VAV3: variants seen among roughly 807,000 people sequenced by gnomAD.
The protein encoded by VAV3 is vav guanine nucleotide exchange factor 3.
Under a neutral mutation model 131.2 loss-of-function variants are expected in VAV3, and 94 were observed. The ratio of observed to expected loss-of-function variants is 0.72; its 90% CI spans 0.61 to 0.85. VAV3 has a LOEUF of 0.85. Ranked by LOEUF, VAV3 falls within the 40% of genes least tolerant of loss-of-function variation. The probability of loss-of-function intolerance (pLI) is 0.00; values close to 1 mark genes in which losing one functional copy is unlikely to be tolerated. For synonymous variants in VAV3, 349 were observed against 342.0 expected (o/e 1.02, Z -0.22); for missense variants, 939 against 1,002.7 (o/e 0.94, Z 0.86).
At chr1:107,861,540 G>C (rs756077615) in intron 2 of VAV3, among the ~76,000 whole-genome samples, 1 of 151,490 alleles carries the variant, frequency 6.6e-6, no homozygotes, top group African/African-American at 2.4e-5. Flanking sequence ...ATTCTAACAT[G>C]AATCTAGCCT....
At chr1:107,879,675 T>A (rs1240157208) in intron 1 of VAV3, among the ~76,000 whole-genome samples, 1 of 150,692 alleles carries the variant, frequency 6.6e-6, no homozygotes, top group Non-Finnish European at 1.5e-5. Context: ...GAAGGGCAAA[T>A]CCAGCTCACT....
intron 2 of VAV3, among the ~76,000 whole-genome samples, chr1:107,833,897 C>T (rs185244815): frequency 1.9e-4 from 29 of 152,264 alleles, no homozygotes; most frequent in African/African-American, 6.0e-4. Flanking sequence ...AAGCACTAGC[C>T]ATGGCAATGC....
At chr1:107,611,774 G>A (rs1652753925) in intron 21 of VAV3, among the ~76,000 whole-genome samples, 1 of 152,084 alleles carries the variant, frequency 6.6e-6, no homozygotes, top group South Asian at 2.1e-4. Context: ...TTCCACCCTG[G>A]TGTCCCACTA....
At chr1:107,798,055 T>C (rs1316727691) in intron 2 of VAV3, among the ~76,000 whole-genome samples, 1 of 152,164 alleles carries the variant, frequency 6.6e-6, no homozygotes, top group Non-Finnish European at 1.5e-5. Context: ...CCTTCTGCTT[T>C]CCCCTAAATA....
At position 107,888,827 on chromosome 1, in the gene VAV3, C is replaced by A. The variant is rs532089923; in HGVS notation, c.205-13810G>T. Among the ~76,000 whole-genome samples, 541 of 152,186 alleles carry A rather than the reference C, an allele frequency of 3.6e-3. 2 individuals are homozygous for A. Among genetic ancestry groups the A allele is most frequent in the Non-Finnish European group, 5.4e-3 (368 of 68,014 alleles). ...GTCACTGTTTCTCTGTACTAAATTA[C>A]ATTCTATTTTCTGTCTATATTTCTA... On this transcript the variant is annotated intron_variant, in intron 1 of 26. Coordinates refer to ENST00000370056, the MANE Select transcript of VAV3 (RefSeq NM_006113.5).
At chr1:107,945,552 G>C (rs192016364) in intron 1 of VAV3, among the ~76,000 whole-genome samples, 2 of 152,140 alleles carry the variant, frequency 1.3e-5, no homozygotes, top group East Asian at 3.9e-4. Context: ...GTCCAGGCGC[G>C]GTGGCTCATG....
chr1:107,815,020 G>A (rs1468336087), intron 2 of VAV3, among the ~76,000 whole-genome samples: 2 of 152,108 alleles, frequency 1.3e-5, no homozygotes, highest in Non-Finnish European at 2.9e-5. Flanking sequence ...CCTAGCCCAA[G>A]GGAATGGAAA....
At chr1:107,845,324 A>C (rs1203311213) in intron 2 of VAV3, among the ~76,000 whole-genome samples, 1 of 152,224 alleles carries the variant, frequency 6.6e-6, no homozygotes, top group East Asian at 1.9e-4. Flanking sequence ...AAGGTAGATA[A>C]ATCCACAAAG....
chr1:107,906,462 A>C (rs773550634), intron 1 of VAV3, among the ~76,000 whole-genome samples: 8 of 152,094 alleles, frequency 5.3e-5, no homozygotes, highest in Non-Finnish European at 1.0e-4. Context: ...CAGGAGATCG[A>C]GACCATCCTG....
chr1:107,822,137 C>A (rs1418117508), intron 2 of VAV3, among the ~76,000 whole-genome samples: 1 of 152,086 alleles, frequency 6.6e-6, no homozygotes, highest in African/African-American at 2.4e-5. Context: ...TGACTGTTAT[C>A]TCTTGAGGCA....
intron 12 of VAV3, among the ~76,000 whole-genome samples, chr1:107,753,527 C>CATATATATATATACAT (rs752202122): frequency 1.1e-5 from 1 of 94,738 alleles, no homozygotes; most frequent in Non-Finnish European, 2.2e-5. Context: ...TATATATATA[C>CATATATATATATACAT]GTATATATAT....
chr1:107,793,963 G>A (rs1429008272), intron 2 of VAV3, among the ~76,000 whole-genome samples: 1 of 152,238 alleles, frequency 6.6e-6, no homozygotes, highest in Non-Finnish European at 1.5e-5. Flanking sequence ...TCCCAGAGAC[G>A]CAGATCTAGC....
At chr1:107,586,213 T>C (rs1301588408) in intron 25 of VAV3, among the ~76,000 whole-genome samples, 1 of 151,852 alleles carries the variant, frequency 6.6e-6, no homozygotes, top group Non-Finnish European at 1.5e-5. Context: ...TCTAAATCCA[T>C]TAGCTACCTT....
Position 107,872,764 on chromosome 1 carries a change from G to C in VAV3, c.321+2137C>G, listed in dbSNP as rs141509293. Reference sequence around the variant, plus strand: ...CAGCTAGACCTGAGTTCAAACTGCTGCTTCAATCTCAAATAGATATGTGAT... The same window carrying C: ...CAGCTAGACCTGAGTTCAAACTGCTCCTTCAATCTCAAATAGATATGTGAT... On this transcript the variant is annotated intron_variant, in intron 2 of 26. Transcript: ENST00000370056. Among the ~76,000 whole-genome samples, 23 of 152,270 alleles carry C rather than the reference G, an allele frequency of 1.5e-4. No homozygotes were observed. The East Asian group carries it at 3.5e-3, about 23-fold the overall frequency.
At chr1:107,697,856 T>TA (rs1303675507) in intron 17 of VAV3, among the ~76,000 whole-genome samples, 1 of 152,110 alleles carries the variant, frequency 6.6e-6, no homozygotes, top group Admixed American at 6.5e-5. Flanking sequence ...GTGTTCTGCC[T>TA]AAAAAACCAT....
At chr1:107,947,692 C>G (rs1054838330) in intron 1 of VAV3, among the ~76,000 whole-genome samples, 1 of 152,180 alleles carries the variant, frequency 6.6e-6, no homozygotes, top group Admixed American at 6.5e-5. Context: ...AGTCCATATT[C>G]TTTCAATATA....
chr1:107,772,202 A>G (rs1166042755), intron 5 of VAV3, among the ~76,000 whole-genome samples: 1 of 152,238 alleles, frequency 6.6e-6, no homozygotes, highest in Non-Finnish European at 1.5e-5. Context: ...AATAGCAGAT[A>G]AGGTTTTGAG....
chr1:107,935,740 C>T (rs1256077043), intron 1 of VAV3, among the ~76,000 whole-genome samples: 2 of 151,994 alleles, frequency 1.3e-5, no homozygotes, highest in Admixed American at 6.6e-5. Context: ...AGGAGAGGCA[C>T]CAAAAACAGA....
intron 25 of VAV3, among the ~76,000 whole-genome samples, chr1:107,580,852 A>T (rs1649991908): frequency 6.6e-6 from 1 of 152,246 alleles, no homozygotes. Flanking sequence ...ATCCATACTG[A>T]TAATATATCC....
Sources: allele counts gnomAD v4.1 joint callset (sites outside exome capture counted in the v4.1 genomes callset), GRCh38; gene constraint gnomAD v4.1.1; transcripts MANE v1.5; gene names NCBI Gene and HGNC (gene_info 2026-07-23, HGNC 2026-07-21).